The following METTL15 variants were observed in gnomAD, a reference collection of about 807,000 sequenced individuals.
METTL15 encodes the protein 12S rRNA N(4)-cytidine methyltransferase METTL15.
A neutral mutation model predicts 38.3 loss-of-function variants in METTL15; 34 were observed. The observed-to-expected ratio is 0.89, with a 90% CI of 0.68 to 1.18. The LOEUF (loss-of-function observed/expected upper bound fraction) is 1.18. Among genes scored for constraint, METTL15 ranks in the 50% most tolerant of loss-of-function variants. The pLI is 0.00. For missense variants in METTL15, 438 were observed against 498.4 expected (o/e 0.88, Z 1.15); for synonymous variants, 162 against 170.9 (o/e 0.95, Z 0.41).
chr11:28,122,333 ATGTGTGTGTG>A lies in METTL15; in HGVS notation c.270+8759_270+8768del, dbSNP rs61147516. On this transcript the variant is annotated intron_variant, in intron 3 of 6. Transcript: ENST00000407364. ...AATCCTAGTATATAGATGTGTGTAT[ATGTGTGTGTG>A]TGTGTGTGTGTGTGTGTGTGTGTGT... Among the ~76,000 whole-genome samples the A allele has an allele frequency of 8.3e-4, 93 of 112,092 alleles. No homozygotes were observed. In the East Asian group the frequency reaches 0.011, roughly 13 times the overall value. The allele number at this position is 112,092 out of a possible 152,430, so 73.5% of individuals were successfully genotyped here. A position where few individuals can be genotyped will look rare whatever the true frequency, so the allele number is the denominator to read the frequency against.
At chr11:28,121,481 A>G (rs928078982) in intron 3 of METTL15, among the ~76,000 whole-genome samples, 6 of 152,276 alleles carry the variant, frequency 3.9e-5, no homozygotes, top group Non-Finnish European at 7.4e-5. Context: ...TGACACTTCT[A>G]ATAAACCTTA....
At position 28,332,013 on chromosome 11, in the gene METTL15, A is replaced by G. The variant is rs1849829951; in HGVS notation, c.*1172A>G. 6.6e-6 allele frequency: 1 copy of G among 152,200 alleles called. No individual in the cohort carries two copies. Among genetic ancestry groups the G allele is most frequent in the Admixed American group, 6.5e-5 (1 of 15,276 alleles). 9.4% of individuals were successfully genotyped at this position (152,200 alleles called of 1,614,324 possible). ...TTCAAATACAGAAAAAAGATTCTCCATTATAGTTACAAATTTTAGGTTGGT... is the reference window on the plus strand; with the variant it reads ...TTCAAATACAGAAAAAAGATTCTCCGTTATAGTTACAAATTTTAGGTTGGT... On this transcript the variant is annotated 3_prime_UTR_variant, in exon 7 of 7. Coordinates refer to ENST00000407364, the MANE Select transcript of METTL15 (RefSeq NM_001113528.2).
chr11:28,443,056 T>C (rs1427438790), intron 6 of METTL15, among the ~76,000 whole-genome samples: 1 of 152,200 alleles, frequency 6.6e-6, no homozygotes, highest in Non-Finnish European at 1.5e-5. Context: ...CATACACTAG[T>C]CAAGATATAG....
At chr11:28,500,865 A>G (rs1021844056) in intron 6 of METTL15, among the ~76,000 whole-genome samples, 5 of 152,138 alleles carry the variant, frequency 3.3e-5, no homozygotes, top group African/African-American at 9.7e-5. Flanking sequence ...TTTTCAGTGT[A>G]TATGACTTTT....
At chr11:28,471,561 C>G (rs1336694403) in intron 6 of METTL15, among the ~76,000 whole-genome samples, 2 of 152,110 alleles carry the variant, frequency 1.3e-5, no homozygotes, top group African/African-American at 4.8e-5. Context: ...TTGTAGCCCT[C>G]TCTTTGTGTG....
chr11:28,155,923 G>T (rs954587287), intron 3 of METTL15, among the ~76,000 whole-genome samples: 1 of 152,086 alleles, frequency 6.6e-6, no homozygotes, highest in African/African-American at 2.4e-5. Context: ...TCTCTGTAAG[G>T]TCACTTATAT....
In METTL15 at chr11:28,330,450, C is replaced by G. The variant is rs111934305; in HGVS notation, c.833C>G (p.Thr278Ser). The G allele has an allele frequency of 1.8e-5, 28 of 1,551,626 alleles. No individual in the cohort carries two copies. The African/African-American group carries it at 3.3e-4, about 18-fold the overall frequency. The change falls in exon 7 of 7, where the codon ACC becomes AGC. Residue 278 changes from threonine to serine, a missense_variant. By Grantham distance (58) the Thr-to-Ser change is moderately conservative. Transcript: ENST00000407364. ...YTRKDLLQRSTHIATKTFQAL... is the reference protein window; with the variant it reads ...YTRKDLLQRSSHIATKTFQAL... ...CGGAAAGACTTACTACAGCGATCTA[C>G]CCATATTGCCACCAAGACTTTCCAG... is the stretch of plus-strand genomic sequence containing the variant.
intron 6 of METTL15, among the ~76,000 whole-genome samples, chr11:28,306,236 T>A (rs746945705): frequency 2.0e-4 from 30 of 152,134 alleles, no homozygotes; most frequent in Non-Finnish European, 4.3e-4. Context: ...ATACTTTTAG[T>A]ACTTCTGCAA....
intron 6 of METTL15, among the ~76,000 whole-genome samples, chr11:28,514,875 C>G (rs1383965560): frequency 6.6e-6 from 1 of 151,826 alleles, no homozygotes; most frequent in African/African-American, 2.4e-5. Context: ...GGGACTAGAT[C>G]TTTTACTATG....
At chr11:28,504,643 G>A (rs926331262) in intron 6 of METTL15, among the ~76,000 whole-genome samples, 2 of 152,212 alleles carry the variant, frequency 1.3e-5, no homozygotes, top group African/African-American at 4.8e-5. Context: ...CAAGTAAACT[G>A]AGAAAAACCT....
At chr11:28,459,215 C>A (rs916539383) in intron 6 of METTL15, among the ~76,000 whole-genome samples, 1 of 152,156 alleles carries the variant, frequency 6.6e-6, no homozygotes, top group Non-Finnish European at 1.5e-5. Context: ...TTATAAATTT[C>A]ATGTATATTA....
rs765344184 is a variant in METTL15 at position 28,211,169 on chromosome 11, A to T, written c.378A>T (p.Ala126=). 4 of 1,610,962 alleles carry T rather than the reference A, an allele frequency of 2.5e-6. No homozygotes were observed. The East Asian group carries it at 8.9e-5, about 36-fold the overall frequency. ...TGGACAGAGACCCAACAGCTTATGC[A>T]TTAGCTGAACATCTTTCAGAGTTGT... ...YALDRDPTAY[A]LAEHLSELYP... is the part of the protein sequence containing the mutation. The change falls in exon 4 of 7, where the codon GCA becomes GCT. Residue 126 remains alanine, a synonymous_variant. Coordinates refer to ENST00000407364, the MANE Select transcript of METTL15 (RefSeq NM_001113528.2).
chr11:28,499,098 C>T (rs78329956), intron 6 of METTL15, among the ~76,000 whole-genome samples: 1,820 of 152,290 alleles, frequency 0.012, 8 homozygotes, highest in Middle Eastern at 0.031. Context: ...ATAGGCCTTA[C>T]GTTGTCTACC....
downstream of METTL15, among the ~76,000 whole-genome samples, chr11:28,531,173 T>G (rs1851841500): frequency 6.6e-6 from 1 of 152,042 alleles, no homozygotes; most frequent in Non-Finnish European, 1.5e-5. Context: ...AGCAATTGAT[T>G]ACTATATAAT....
rs919171277 is a variant in METTL15, at chr11:28,447,988, G to T, written c.*424+23624G>T. On this transcript the variant is annotated intron_variant and NMD_transcript_variant, in intron 6 of 7. Coordinates refer to the METTL15 transcript ENST00000532947. Reference sequence around the variant, plus strand: ...AATTTGTGTCACAGATCACAACTTGGATCATAGTCCCCCCTCCACTCTGTC... The same window carrying T: ...AATTTGTGTCACAGATCACAACTTGTATCATAGTCCCCCCTCCACTCTGTC... Among the ~76,000 whole-genome samples, 3 of 152,048 alleles carry T rather than the reference G, an allele frequency of 2.0e-5. No homozygotes were observed. The South Asian group carries it at 6.2e-4, about 31-fold the overall frequency.
intron 5 of METTL15, among the ~76,000 whole-genome samples, chr11:28,394,556 T>G (rs1031290263): frequency 2.0e-5 from 3 of 152,084 alleles, no homozygotes; most frequent in Admixed American, 6.6e-5. Flanking sequence ...TACTAAAAAA[T>G]TCTTAAAATG....
intron 2 of METTL15, among the ~76,000 whole-genome samples, chr11:28,112,150 A>G (rs532244162): frequency 2.6e-4 from 40 of 152,334 alleles, no homozygotes; most frequent in Admixed American, 9.8e-4. Context: ...AAAAGGAAAG[A>G]CAGACATATT....
At chr11:28,292,586 G>T (rs1856561901) in intron 5 of METTL15, among the ~76,000 whole-genome samples, 1 of 152,118 alleles carries the variant, frequency 6.6e-6, no homozygotes, top group Admixed American at 6.6e-5. Context: ...TAATGAGATG[G>T]CTGGGTCAAA....
At position 28,308,892 on chromosome 11, in the gene METTL15, GTAGATAGA is replaced by G. The variant is rs68044190; in HGVS notation, c.778+11997_778+12004del. Among the ~76,000 whole-genome samples the G allele has an allele frequency of 1.8e-3, 260 of 147,000 alleles. 2 individuals are homozygous for G. The highest frequency in any genetic ancestry group is 0.015 in the East Asian group (72 of 4,956). ...AAAGATTAGATAGATAGGTAGGTAG[GTAGATAGA>G]TAGATAGATAGATAGATAGATAGAT... On this transcript the variant is annotated intron_variant, in intron 6 of 6. Transcript: ENST00000407364.
Sources: gnomAD v4.1 joint callset for allele counts (sites outside exome capture counted in the v4.1 genomes callset) on GRCh38, gnomAD v4.1.1 for gene constraint, MANE v1.5 for transcripts, NCBI Gene and HGNC (gene_info 2026-07-23, HGNC 2026-07-21) for gene names.